HDAC9: variants seen among roughly 807,000 people sequenced by gnomAD.
The protein encoded by HDAC9 is histone deacetylase 9.
Under a neutral mutation model 139.4 loss-of-function variants are expected in HDAC9, and 41 were observed. That is an observed-to-expected ratio of 0.29 (90% CI 0.23 to 0.38). The LOEUF is 0.38. Ranked by LOEUF, HDAC9 falls within the 10% of genes least tolerant of loss-of-function variation. The pLI is 1.00. For synonymous variants in HDAC9, 517 were observed against 476.2 expected (o/e 1.09, Z -1.12); for missense variants, 1,147 against 1,297.0 (o/e 0.88, Z 1.78).
chr7:18,520,177 G>T (rs185485344), intron 2 of HDAC9, among the ~76,000 whole-genome samples: 2 of 152,008 alleles, frequency 1.3e-5, no homozygotes, highest in East Asian at 3.9e-4. Context: ...TTTACTTCAG[G>T]AATAAGATTA....
intron 13 of HDAC9, among the ~76,000 whole-genome samples, chr7:18,740,963 C>G (rs1370598360): frequency 6.6e-6 from 1 of 152,178 alleles, no homozygotes; most frequent in Non-Finnish European, 1.5e-5. Flanking sequence ...GTCCCTAACT[C>G]TTCAATTCTA....
chr7:18,852,186 G>T (rs1361785190), intron 21 of HDAC9, among the ~76,000 whole-genome samples: 1 of 152,212 alleles, frequency 6.6e-6, no homozygotes, highest in Admixed American at 6.5e-5. Context: ...GCTAGTTGCT[G>T]TGGAGAAAAA....
intron 22 of HDAC9, among the ~76,000 whole-genome samples, chr7:18,918,797 A>G (rs1242915398): frequency 6.6e-6 from 1 of 152,062 alleles, no homozygotes; most frequent in Non-Finnish European, 1.5e-5. Flanking sequence ...TTTTCCTTGT[A>G]GTTAAATGAT....
intron 2 of HDAC9, among the ~76,000 whole-genome samples, chr7:18,547,844 C>T (rs988108773): frequency 4.3e-5 from 6 of 138,742 alleles, no homozygotes; most frequent in African/African-American, 1.7e-4. Flanking sequence ...TCCTTCCTTC[C>T]TTCCTTCCTT....
chr7:18,922,165 A>G (rs953300030), intron 22 of HDAC9, among the ~76,000 whole-genome samples: 1 of 152,012 alleles, frequency 6.6e-6, no homozygotes, highest in African/African-American at 2.4e-5. Flanking sequence ...CCAACATGGC[A>G]CATGTATATA....
At chr7:18,991,455 G>A (rs1345886563) in intron 25 of HDAC9, among the ~76,000 whole-genome samples, 3 of 152,130 alleles carry the variant, frequency 2.0e-5, no homozygotes, top group Non-Finnish European at 4.4e-5. Flanking sequence ...GGCTAACACG[G>A]TGAAACCCTG....
Position 18,736,353 on chromosome 7 carries a change from A to G in HDAC9, c.1909+8596A>G, listed in dbSNP as rs1786894694. ...TGCTTCCAGTTTTTGCCCATTCAGT[A>G]TGATACTGGCTGTGGGTTTGTCATA... On this transcript the variant is annotated intron_variant, in intron 13 of 25. Transcript: ENST00000686413. 3.9e-5 allele frequency among the ~76,000 whole-genome samples: 6 copies of G among 152,222 alleles called. No homozygotes were observed. In the South Asian group the frequency reaches 1.0e-3, roughly 26 times the overall value.
intron 17 of HDAC9, among the ~76,000 whole-genome samples, chr7:18,798,760 G>A (rs1285904706): frequency 6.6e-6 from 1 of 152,102 alleles, no homozygotes; most frequent in Non-Finnish European, 1.5e-5. Context: ...TGAGGTGGTG[G>A]ATAACAATGG....
chr7:18,375,481 AC>A (rs1784920498), intron 1 of HDAC9, among the ~76,000 whole-genome samples: 3 of 142,420 alleles, frequency 2.1e-5, no homozygotes, highest in African/African-American at 8.7e-5. Context: ...AACAACAACA[AC>A]AACAAAAAAA....
intron 1 of HDAC9, among the ~76,000 whole-genome samples, chr7:18,403,488 A>G (rs1239655370): frequency 6.6e-6 from 1 of 152,178 alleles, no homozygotes; most frequent in African/African-American, 2.4e-5. Flanking sequence ...TCTATATTCA[A>G]AAATACACCT....
At chr7:18,334,204 A>T (rs1781418672) in intron 1 of HDAC9, among the ~76,000 whole-genome samples, 1 of 151,474 alleles carries the variant, frequency 6.6e-6, no homozygotes, top group Admixed American at 6.6e-5. Context: ...CTAAAACCTG[A>T]CAGAATATCA....
chr7:18,336,012 A>G (rs1781556811), intron 1 of HDAC9, among the ~76,000 whole-genome samples: 1 of 151,658 alleles, frequency 6.6e-6, no homozygotes, highest in Non-Finnish European at 1.5e-5. Context: ...ATTATAAAAT[A>G]TTTAGTTTAG....
At chr7:18,644,334 C>T (rs1229792747) in intron 8 of HDAC9, among the ~76,000 whole-genome samples, 1 of 151,888 alleles carries the variant, frequency 6.6e-6, no homozygotes, top group East Asian at 1.9e-4. Context: ...CTGAGTAATA[C>T]AAAAGAAGTA....
chr7:18,134,295 A>T (rs1785240382), intron 1 of HDAC9, among the ~76,000 whole-genome samples: 1 of 152,074 alleles, frequency 6.6e-6, no homozygotes, highest in South Asian at 2.1e-4. Context: ...ATAGCATATT[A>T]TTTTTTATTA....
chr7:18,342,652 T>A (rs1404376141), intron 1 of HDAC9, among the ~76,000 whole-genome samples: 3 of 151,866 alleles, frequency 2.0e-5, no homozygotes, highest in Non-Finnish European at 4.4e-5. Context: ...GTGCCTACTT[T>A]CGGAGTGGCT....
At chr7:18,927,888 T>G (rs1447286982) in intron 22 of HDAC9, among the ~76,000 whole-genome samples, 1 of 152,200 alleles carries the variant, frequency 6.6e-6, no homozygotes, top group Admixed American at 6.5e-5. Flanking sequence ...TTGTTTCTTT[T>G]TTTAACTAGA....
chr7:18,322,100 G>A lies in HDAC9; in HGVS notation c.-42+31585G>A, dbSNP rs910247423. Among the ~76,000 whole-genome samples, 4 of 152,046 alleles carry A rather than the reference G, an allele frequency of 2.6e-5. No homozygotes were observed. In the South Asian group the frequency reaches 8.3e-4, roughly 32 times the overall value. On this transcript the variant is annotated intron_variant, in intron 1 of 3. Transcript: ENST00000413509. ...AACCATCTCCTGACAATAACATTTA[G>A]AACAATATCATCTACATGTAAAGCC...
At chr7:18,580,607 C>A (rs1201248052) in intron 2 of HDAC9, among the ~76,000 whole-genome samples, 1 of 152,114 alleles carries the variant, frequency 6.6e-6, no homozygotes, top group South Asian at 2.1e-4. Flanking sequence ...TTATTTACAA[C>A]TAATGTGAAT....
At chr7:18,225,498 AT>A (rs765230134) in intron 2 of HDAC9, among the ~76,000 whole-genome samples, 8 of 152,284 alleles carry the variant, frequency 5.3e-5, no homozygotes, top group East Asian at 1.9e-4. Flanking sequence ...ATTATGTTTT[AT>A]GCAGTAGCAT....
Sources: gnomAD v4.1 joint callset for allele counts (sites outside exome capture counted in the v4.1 genomes callset) on GRCh38, gnomAD v4.1.1 for gene constraint, MANE v1.5 for transcripts, NCBI Gene and HGNC (gene_info 2026-07-23, HGNC 2026-07-21) for gene names.